VAV2: variants seen among roughly 807,000 people sequenced by gnomAD.
VAV2 encodes vav guanine nucleotide exchange factor 2, also known as guanine nucleotide exchange factor VAV2.
VAV2 carries 67 observed loss-of-function variants against 132.5 expected under a neutral mutation model. The observed-to-expected ratio is 0.51, with a 90% CI of 0.42 to 0.62. VAV2 has a LOEUF of 0.62. Among genes scored for constraint, VAV2 ranks in the 20% least tolerant of loss-of-function variants. The pLI, the probability that VAV2 is intolerant of heterozygous loss-of-function variation, is 0.00. For missense variants in VAV2, 938 were observed against 1,153.6 expected, an observed-to-expected ratio of 0.81 and a Z score of 2.71; for synonymous variants, 492 against 443.5, an observed-to-expected ratio of 1.11 and a Z score of -1.37.
chr9:133,916,420 G>A (rs537977726), intron 2 of VAV2, among the ~76,000 whole-genome samples: 2 of 152,330 alleles, frequency 1.3e-5, no homozygotes, highest in East Asian at 3.9e-4. Context: ...GCCAACGAGG[G>A]CCCGGGCGCA....
chr9:133,822,076 C>T (rs1835809539), intron 4 of VAV2, among the ~76,000 whole-genome samples: 1 of 152,198 alleles, frequency 6.6e-6, no homozygotes, highest in South Asian at 2.1e-4. Flanking sequence ...GACCCTGAGG[C>T]CCCAGCCCAA....
At chr9:133,977,369 G>A (rs1842548154) in intron 1 of VAV2, among the ~76,000 whole-genome samples, 1 of 152,194 alleles carries the variant, frequency 6.6e-6, no homozygotes, top group African/African-American at 2.4e-5. Context: ...CCTAGGGGAG[G>A]GAGGCACAGA....
At chr9:133,897,271 G>A (rs964120192) in intron 2 of VAV2, among the ~76,000 whole-genome samples, 8 of 152,086 alleles carry the variant, frequency 5.3e-5, no homozygotes, top group African/African-American at 9.7e-5. Context: ...CCCTCCTTCC[G>A]CCCAAGTGGC....
rs747775389 is a variant in VAV2, at chr9:133,778,817, T to A, written c.1835A>T (p.Gln612Leu). 3 of 1,613,134 alleles carry A rather than the reference T, an allele frequency of 1.9e-6. No individual in the cohort carries two copies. In the South Asian group the frequency reaches 3.3e-5, roughly 18 times the overall value. The stretch of plus-strand genomic sequence containing the variant: ...CAGCAGCTCAAGCACGTCGCCCGTC[T>A]GGAAGGTCAGCACAGGCTTCCCGGG... ...APPGKPVLTFQTGDVLELLRG... is the reference protein window; with the variant it reads ...APPGKPVLTFLTGDVLELLRG... Residue 612 changes from glutamine (Q) to leucine (L), a missense_variant, in exon 22 of 30, where the codon CAG (glutamine) becomes CTG (leucine). Coordinates refer to ENST00000371850, the MANE Select transcript of VAV2 (RefSeq NM_001134398.2).
intron 5 of VAV2, 101 bp from the exon 6 acceptor site, chr9:133,810,306 A>T: frequency 6.4e-7 from 1 of 1,570,314 alleles, no homozygotes; most frequent in Non-Finnish European, 8.7e-7. Context: ...CCCCACAACC[A>T]GCCAACAGAC....
chr9:133,953,890 G>A (rs1841652005), intron 1 of VAV2, among the ~76,000 whole-genome samples: 1 of 152,086 alleles, frequency 6.6e-6, no homozygotes, highest in Non-Finnish European at 1.5e-5. Flanking sequence ...TCCATCCCTA[G>A]GTGTCCTCCC....
intron 2 of VAV2, among the ~76,000 whole-genome samples, chr9:133,932,494 C>A (rs1840722251): frequency 1.3e-5 from 2 of 152,168 alleles, no homozygotes; most frequent in Admixed American, 1.3e-4. Context: ...CGGAATAAAC[C>A]TTCTGGATCC....
intron 2 of VAV2, among the ~76,000 whole-genome samples, chr9:133,930,410 A>G (rs372820747): frequency 1.0e-4 from 3 of 29,836 alleles, no homozygotes; most frequent in African/African-American, 2.2e-4. Context: ...ACTGGCTCCT[A>G]GCATCCTCAC....
chr9:133,939,127 G>A lies in VAV2; in HGVS notation c.297C>T (p.Leu99=), dbSNP rs758395094. 2.5e-6 allele frequency: 4 copies of A among 1,614,226 alleles called. No individual in the cohort carries two copies. Among genetic ancestry groups the A allele is most frequent in the Non-Finnish European group, 3.4e-6 (4 of 1,180,036 alleles). ...CCTTTCCAAAGTCTCGCACATCGAAGAGGTCAAAGGGGTCAAACAGCTCGC... is the reference window on the plus strand; with the variant it reads ...CCTTTCCAAAGTCTCGCACATCGAAAAGGTCAAAGGGGTCAAACAGCTCGC... The part of the protein sequence containing the change: ...RNSELFDPFD[L]FDVRDFGKVI... Residue 99 remains leucine, a synonymous_variant, in exon 2 of 30, where the codon CTC becomes CTT. Transcript: ENST00000371850.
Position 133,969,264 on chromosome 9 carries a change from GGCT to G in VAV2, c.204+22808_204+22810del, listed in dbSNP as rs1842248906. ...TGCCGGATGAACTGCGGCTTCTCAC[GGCT>G]GCGCTGCTGGCATGGTAGAGAATAC... On this transcript the variant is annotated intron_variant, in intron 1 of 29. Transcript: ENST00000371850. This position sits in a 1 kb window ranked among gnomAD's most constrained non-coding sequence, Gnocchi z 5.1. 6.6e-6 allele frequency among the ~76,000 whole-genome samples: 1 copy of G among 151,812 alleles called. No homozygotes were observed. Among genetic ancestry groups the G allele is most frequent in the Admixed American group, 6.6e-5 (1 of 15,252 alleles).
At chr9:133,933,150 A>G (rs1411503080) in intron 2 of VAV2, among the ~76,000 whole-genome samples, 2 of 152,224 alleles carry the variant, frequency 1.3e-5, no homozygotes, top group Non-Finnish European at 2.9e-5. Flanking sequence ...ACGTGGAATG[A>G]TCCTTTCCAT....
chr9:133,992,298 G>A lies in VAV2; in HGVS notation c.-20C>T. ...CTCCATGGCGCCCGCGGGCCCGACC[G>A]GCTCAGGGCAGTGCTCGAGCCAAAG... is the stretch of plus-strand genomic sequence containing the variant. On this transcript the variant is annotated 5_prime_UTR_variant, in exon 1 of 30. Transcript: ENST00000371850. This position sits in a 1 kb window ranked among gnomAD's most constrained non-coding sequence, Gnocchi z 5.5. 2 of 1,428,346 alleles carry A rather than the reference G, an allele frequency of 1.4e-6. No individual in the cohort carries two copies. The highest frequency in any genetic ancestry group is 1.9e-6 in the Non-Finnish European group (2 of 1,080,068). 88.5% of individuals were successfully genotyped at this position (1,428,346 alleles called of 1,614,324 possible).
At chr9:133,798,383 C>A (rs906893964) in intron 9 of VAV2, among the ~76,000 whole-genome samples, 11 of 152,228 alleles carry the variant, frequency 7.2e-5, no homozygotes, top group African/African-American at 2.7e-4. Flanking sequence ...GCCCCCGGAC[C>A]TGGGAGGACG....
chr9:133,933,899 T>TGGGTGGATGGATGGAA (rs1313397829), intron 2 of VAV2, among the ~76,000 whole-genome samples: 2 of 140,738 alleles, frequency 1.4e-5, no homozygotes, highest in East Asian at 2.2e-4. Context: ...GATGGATGGA[T>TGGGTGGATGGATGGAA]GGGTGGATGG....
chr9:133,807,939 T>C (rs573679570), intron 7 of VAV2, among the ~76,000 whole-genome samples: 1 of 152,270 alleles, frequency 6.6e-6, no homozygotes, highest in African/African-American at 2.4e-5. Context: ...GAGTGGCTCC[T>C]GGTCAGGGCA....
intron 3 of VAV2, among the ~76,000 whole-genome samples, chr9:133,860,163 G>T (rs62576549): frequency 1.3e-5 from 2 of 151,856 alleles, no homozygotes; most frequent in African/African-American, 4.8e-5. Flanking sequence ...TTAGCCGGGC[G>T]TGGTGGTGCG....
At chr9:133,963,430 G>T (rs539130291) in intron 1 of VAV2, among the ~76,000 whole-genome samples, 1 of 152,308 alleles carries the variant, frequency 6.6e-6, no homozygotes, top group African/African-American at 2.4e-5. Context: ...AAGCTGGCTC[G>T]CTAAGGGTGT....
Position 133,876,617 on chromosome 9 carries a change from T to G in VAV2, c.322-15185A>C, listed in dbSNP as rs913221697. On this transcript the variant is annotated intron_variant, in intron 2 of 29. Coordinates refer to ENST00000371850, the MANE Select transcript of VAV2 (RefSeq NM_001134398.2). ...GTGGGAGTGCAGGGTCAGGCTGGTG[T>G]TTGAGAGATGCTTCAGGCTGCAAAG... Among the ~76,000 whole-genome samples the G allele has an allele frequency of 2.0e-5, 3 of 151,914 alleles. 1 individual carries two copies. Among genetic ancestry groups the G allele is most frequent in the Admixed American group, 2.0e-4 (3 of 15,260 alleles).
At position 133,991,771 on chromosome 9, in the gene VAV2, G is replaced by T. The variant is rs1588241338; in HGVS notation, c.204+304C>A. On this transcript the variant is annotated intron_variant, in intron 1 of 29. Coordinates refer to ENST00000371850, the MANE Select transcript of VAV2 (RefSeq NM_001134398.2). This position sits in a 1 kb window ranked among gnomAD's most constrained non-coding sequence, Gnocchi z 4.8. Reference sequence around the variant, plus strand: ...GGCCACTCGCAGGGCCCCGCAGAGCGAGCGCAGCGCCGGAGCCTCCCCCAT... The same window carrying T: ...GGCCACTCGCAGGGCCCCGCAGAGCTAGCGCAGCGCCGGAGCCTCCCCCAT... Among the ~76,000 whole-genome samples the T allele has an allele frequency of 6.6e-6, 1 of 151,236 alleles. No individual in the cohort carries two copies. Among genetic ancestry groups the T allele is most frequent in the Non-Finnish European group, 1.5e-5 (1 of 67,656 alleles).
Sources: gnomAD v4.1 joint callset for allele counts (sites outside exome capture counted in the v4.1 genomes callset) on GRCh38, gnomAD v4.1.1 for gene constraint, Gnocchi (gnomAD v3.1) non-coding constraint, MANE v1.5 for transcripts, NCBI Gene and HGNC (gene_info 2026-07-23, HGNC 2026-07-21) for gene names.